The following MRTFB variants were observed in gnomAD, a reference collection of about 807,000 sequenced individuals.
MRTFB encodes the protein myocardin-related transcription factor B.
In MRTFB, 29 loss-of-function variants were observed where a neutral mutation model predicts 104.2. The observed-to-expected ratio is 0.28, with a 90% CI of 0.21 to 0.38. The LOEUF (loss-of-function observed/expected upper bound fraction) is 0.38, where lower values mean the gene tolerates loss of function less well. MRTFB is among the 10% of genes least tolerant of loss of function. The probability of loss-of-function intolerance (pLI) is 1.00; values close to 1 mark genes in which losing one functional copy is unlikely to be tolerated. For synonymous variants in MRTFB, 535 were observed against 519.5 expected, an observed-to-expected ratio of 1.03 and a Z score of -0.41; for missense variants, 1,270 against 1,341.6, an observed-to-expected ratio of 0.95 and a Z score of 0.83.
chr16:14,197,225 A>C (rs1035554290), intron 3 of MRTFB, among the ~76,000 whole-genome samples: 11 of 151,828 alleles, frequency 7.2e-5, no homozygotes, highest in Non-Finnish European at 1.6e-4. Flanking sequence ...CCGCCTGCCT[A>C]AGCCTCCCAA....
chr16:14,046,263 TG>T, the MRTFB span, among the ~76,000 whole-genome samples: 103 of 152,108 alleles, frequency 6.8e-4, no homozygotes, highest in African/African-American at 1.6e-3. Context: ...GAAGTTGAGG[TG>T]GTAGTGATCC....
At chr16:14,016,261 CA>C in the MRTFB span, among the ~76,000 whole-genome samples, 4 of 151,728 alleles carry the variant, frequency 2.6e-5, no homozygotes, top group Admixed American at 6.6e-5. Flanking sequence ...GAGCAGCAAT[CA>C]AGTCACCATC....
chr16:14,203,803 C>T (rs1223899066), intron 3 of MRTFB, among the ~76,000 whole-genome samples: 3 of 64,334 alleles, frequency 4.7e-5, no homozygotes, highest in African/African-American at 2.6e-4. Flanking sequence ...GACTCTGTCT[C>T]GAAAAAAAAA....
At chr16:14,238,057 G>A (rs544451766) in intron 9 of MRTFB, among the ~76,000 whole-genome samples, 2 of 152,274 alleles carry the variant, frequency 1.3e-5, no homozygotes, top group East Asian at 3.9e-4. Context: ...TGGACCACTG[G>A]TTCTCAGCAG....
At chr16:14,168,217 ATGTGTGTG>A (rs61205256) in intron 3 of MRTFB, among the ~76,000 whole-genome samples, 4 of 148,110 alleles carry the variant, frequency 2.7e-5, no homozygotes, top group Admixed American at 2.0e-4. Flanking sequence ...TAAAGATAAA[ATGTGTGTG>A]TGTGTGTGTG....
chr16:14,028,457 C>T, the MRTFB span, among the ~76,000 whole-genome samples: 1 of 152,148 alleles, frequency 6.6e-6, no homozygotes, highest in Non-Finnish European at 1.5e-5. Flanking sequence ...GGCAGGTGGA[C>T]AGTGAGCAGC....
At chr16:14,057,931 G>T in the MRTFB span, among the ~76,000 whole-genome samples, 1 of 152,244 alleles carries the variant, frequency 6.6e-6, no homozygotes. Flanking sequence ...AGGCCCACGG[G>T]CCTGTTTGGG....
the MRTFB span, among the ~76,000 whole-genome samples, chr16:14,057,977 C>A: frequency 6.6e-6 from 1 of 152,228 alleles, no homozygotes; most frequent in South Asian, 2.1e-4. Context: ...TGGGGGCCAC[C>A]TTCACAGTGA....
rs553893735 is a variant in MRTFB, at chr16:14,105,137, A to C, written c.-64+25783A>C. On this transcript the variant is annotated intron_variant, in intron 2 of 16. Transcript: ENST00000571589. The stretch of plus-strand genomic sequence containing the variant: ...CTCTCAGAAAGTGAGCATTCTAATT[A>C]AGAATGAAAAATGGAACCCATTATT... Among the ~76,000 whole-genome samples the C allele has an allele frequency of 4.2e-4, 64 of 152,304 alleles. 1 individual carries two copies. The South Asian group carries it at 0.011, about 27-fold the overall frequency.
At chr16:14,156,286 C>T (rs1359755613) in intron 3 of MRTFB, among the ~76,000 whole-genome samples, 1 of 152,176 alleles carries the variant, frequency 6.6e-6, no homozygotes, top group Non-Finnish European at 1.5e-5. Context: ...AGGACCTTTG[C>T]TTTTCCTGTG....
intron 2 of MRTFB, among the ~76,000 whole-genome samples, chr16:14,122,701 T>G (rs958642550): frequency 2.0e-5 from 3 of 152,180 alleles, no homozygotes; most frequent in African/African-American, 7.2e-5. Context: ...TGACGGACAT[T>G]TGGGTTGGTT....
chr16:14,201,130 G>A (rs1409702169), intron 3 of MRTFB, among the ~76,000 whole-genome samples: 3 of 152,216 alleles, frequency 2.0e-5, no homozygotes, highest in Admixed American at 6.5e-5. Flanking sequence ...AATAGTTTTC[G>A]TATTAAGTTT....
chr16:14,100,771 GTTAT>G (rs1213141113), intron 2 of MRTFB, among the ~76,000 whole-genome samples: 1 of 152,172 alleles, frequency 6.6e-6, no homozygotes, highest in East Asian at 1.9e-4. Context: ...GGTTATTCAG[GTTAT>G]TTATTTCTTC....
intron 2 of MRTFB, among the ~76,000 whole-genome samples, chr16:14,083,848 C>T (rs2141894608): frequency 6.6e-6 from 1 of 152,210 alleles, no homozygotes; most frequent in African/African-American, 2.4e-5. Flanking sequence ...CATCTTGTAC[C>T]ACCTTCTTTT....
chr16:14,241,578 A>G (rs1242078072), intron 10 of MRTFB: 1 of 152,214 alleles, frequency 6.6e-6, no homozygotes, highest in Non-Finnish European at 1.5e-5. Context: ...ATTAGCCATG[A>G]TCAGGTTATT....
intron 2 of MRTFB, among the ~76,000 whole-genome samples, chr16:14,101,466 A>G (rs1242339406): frequency 1.3e-5 from 2 of 152,166 alleles, no homozygotes; most frequent in South Asian, 4.1e-4. Flanking sequence ...TAGTTCTTAA[A>G]GTTTATTTTA....
At position 14,262,492 on chromosome 16, in the gene MRTFB, T is replaced by G. The variant is rs1323257941; in HGVS notation, c.*1048T>G. 1 of 152,200 alleles carries G rather than the reference T, an allele frequency of 6.6e-6. No homozygotes were observed. The highest frequency in any genetic ancestry group is 1.5e-5 in the Non-Finnish European group (1 of 68,036). 9.4% of individuals were successfully genotyped at this position (152,200 alleles called of 1,614,324 possible). A position where few individuals can be genotyped will look rare whatever the true frequency, so the allele number is the denominator to read the frequency against. On this transcript the variant is annotated 3_prime_UTR_variant, in exon 17 of 17. Coordinates refer to ENST00000571589, the MANE Select transcript of MRTFB (RefSeq NM_001308142.2). ...GAAGGTCTGTCATCTACCCAGGACA[T>G]TCCCATGATGAGTACAGGTCAGATT...
intron 1 of MRTFB, among the ~76,000 whole-genome samples, chr16:14,073,490 TC>T (rs2033857091): frequency 6.6e-6 from 1 of 152,252 alleles, no homozygotes. Context: ...TTTTGTTTTT[TC>T]TTTCTTTCAG....
intron 8 of MRTFB, among the ~76,000 whole-genome samples, chr16:14,231,321 A>G (rs17332939): frequency 0.024 from 3,701 of 152,252 alleles, 169 homozygotes; most frequent in African/African-American, 0.084. Flanking sequence ...TTAAAAAAAG[A>G]TTCTGACATA....
Sources: allele counts gnomAD v4.1 joint callset (sites outside exome capture counted in the v4.1 genomes callset), GRCh38; gene constraint gnomAD v4.1.1; transcripts MANE v1.5; gene names NCBI Gene and HGNC (gene_info 2026-07-23, HGNC 2026-07-21).